ARL17B: variants seen among roughly 807,000 people sequenced by gnomAD.
ARL17B encodes ADP-ribosylation factor-like protein 17.
chr17:46,281,378 A>G (rs1386648905), intron 4 of ARL17B, among the ~76,000 whole-genome samples: 4 of 151,102 alleles, frequency 2.6e-5, no homozygotes, highest in Non-Finnish European at 5.9e-5. Flanking sequence ...AGCTCAGAAA[A>G]TTTTTCTTTT....
At chr17:46,283,200 A>G (rs1190503012) in intron 4 of ARL17B, among the ~76,000 whole-genome samples, 1 of 152,242 alleles carries the variant, frequency 6.6e-6, no homozygotes, top group Non-Finnish European at 1.5e-5. Flanking sequence ...TGACCATACC[A>G]ATTTATACCC....
At chr17:46,289,871 G>A (rs1567857247) in intron 4 of ARL17B, among the ~76,000 whole-genome samples, 1 of 152,172 alleles carries the variant, frequency 6.6e-6, no homozygotes, top group Non-Finnish European at 1.5e-5. Flanking sequence ...TGTAATCCCA[G>A]CAGTTTGGGA....
intron 4 of ARL17B, among the ~76,000 whole-genome samples, chr17:46,285,711 C>A (rs1307356876): frequency 1.3e-5 from 2 of 152,202 alleles, no homozygotes; most frequent in Non-Finnish European, 2.9e-5. Context: ...TGGTAAAGCT[C>A]ATGACACTGG....
exon 5 of ARL17B, chr17:46,274,914 C>G (rs1165888637): frequency 2.0e-5 from 3 of 151,690 alleles, no homozygotes; most frequent in Non-Finnish European, 4.4e-5. Context: ...GTTTTTGAAA[C>G]GGAGTTTTGT....
At chr17:46,280,525 T>C (rs2049733749) in intron 4 of ARL17B, among the ~76,000 whole-genome samples, 1 of 151,636 alleles carries the variant, frequency 6.6e-6, no homozygotes, top group Non-Finnish European at 1.5e-5. Context: ...AAAATATATA[T>C]TATTAAAAAG....
chr17:46,340,939 C>T (rs1165623337), intron 3 of ARL17B, among the ~76,000 whole-genome samples: 3 of 77,820 alleles, frequency 3.9e-5, no homozygotes, highest in Non-Finnish European at 1.0e-4. Context: ...ACGGGCCTCA[C>T]TTTGTTGCCC....
chr17:46,291,969 C>CAA (rs59554870), intron 4 of ARL17B, among the ~76,000 whole-genome samples: 13 of 58,084 alleles, frequency 2.2e-4, no homozygotes, highest in African/African-American at 7.9e-4. Context: ...TCTCAAAAAG[C>CAA]AAAAAAAAAA....
At chr17:46,283,312 A>G (rs1192548099) in intron 4 of ARL17B, among the ~76,000 whole-genome samples, 1 of 152,232 alleles carries the variant, frequency 6.6e-6, no homozygotes, top group East Asian at 1.9e-4. Context: ...ATGTGTACCC[A>G]CAGGTTCCTT....
intron 4 of ARL17B, chr17:46,275,456 T>C (rs1206061939): frequency 4.8e-6 from 4 of 834,846 alleles, no homozygotes; most frequent in African/African-American, 1.9e-5. Flanking sequence ...TGAGCACCTT[T>C]CATTTTTGAA....
chr17:46,290,476 C>G, intron 4 of ARL17B, among the ~76,000 whole-genome samples: 1 of 152,230 alleles, frequency 6.6e-6, no homozygotes, highest in Non-Finnish European at 1.5e-5. Context: ...TTTTTTGTTT[C>G]GAGATGGAGT....
rs1365597793 is a variant in ARL17B, at chr17:46,350,950, C to T, written c.259+1870G>A. 2.1e-4 allele frequency among the ~76,000 whole-genome samples: 7 copies of T among 32,722 alleles called. 1 individual carries two copies. Among genetic ancestry groups the T allele is most frequent in the African/African-American group, 4.7e-4 (7 of 14,848 alleles). 21.5% of individuals were successfully genotyped at this position (32,722 alleles called of 152,430 possible). A position where few individuals can be genotyped will look rare whatever the true frequency, so the allele number is the denominator to read the frequency against. On this transcript the variant is annotated intron_variant, in intron 3 of 3. Coordinates refer to ENST00000450673, the MANE Select transcript of ARL17B (RefSeq NM_001039083.5). ...AAAATGCACTGTGCGAACTCTGATC[C>T]AGATGCAAACAAAGCAGATGTAGAA... is the stretch of plus-strand genomic sequence containing the variant.
rs190855134 is a variant in ARL17B, at chr17:46,279,803, C to T, written c.*22-4385G>A. Reference sequence around the variant, plus strand: ...AACCACCATTCCCAGCCAACAGGCCCTCCTACACAACTTTTTGTTTTTAGT... The same window carrying T: ...AACCACCATTCCCAGCCAACAGGCCTTCCTACACAACTTTTTGTTTTTAGT... On this transcript the variant is annotated intron_variant, in intron 4 of 4. Coordinates refer to the ARL17B transcript ENST00000570618. Among the ~76,000 whole-genome samples, 16 of 152,304 alleles carry T rather than the reference C, an allele frequency of 1.1e-4. No individual in the cohort carries two copies. In the East Asian group the frequency reaches 2.7e-3, roughly 26 times the overall value.
At chr17:46,290,364 G>A (rs1189702780) in intron 4 of ARL17B, among the ~76,000 whole-genome samples, 2 of 152,100 alleles carry the variant, frequency 1.3e-5, no homozygotes, top group Non-Finnish European at 2.9e-5. Context: ...GGCCTCAAGT[G>A]ATCCACCCAC....
intron 4 of ARL17B, among the ~76,000 whole-genome samples, chr17:46,285,500 C>A (rs1371838153): frequency 7.2e-6 from 1 of 138,172 alleles, no homozygotes; most frequent in Non-Finnish European, 1.7e-5. Context: ...TCAGCCCCCA[C>A]AAAGTGCTGG....
rs1294460442 is a variant in ARL17B at position 46,314,571 on chromosome 17, C to T, written c.260-14906G>A. 7.8e-5 allele frequency among the ~76,000 whole-genome samples: 6 copies of T among 77,262 alleles called. 3 individuals are homozygous for T. In the Admixed American group the frequency reaches 8.2e-4, roughly 11 times the overall value. The allele number at this position is 77,262 out of a possible 152,430, so 50.7% of individuals were successfully genotyped here. ...CTCCTAACCTCAGATGATCCACCTG[C>T]TTCAGCCTCCCAAAATGCTGGGATT... is the stretch of plus-strand genomic sequence containing the variant. On this transcript the variant is annotated intron_variant, in intron 3 of 4. Transcript: ENST00000434041.
chr17:46,334,033 CTCATG>C (rs2052168552), downstream of ARL17B, among the ~76,000 whole-genome samples: 1 of 10,906 alleles, frequency 9.2e-5, no homozygotes, highest in Admixed American at 6.6e-4. Context: ...AACGTGCTAT[CTCATG>C]TCATGTATTC....
chr17:46,277,231 C>G (rs2143303586), intron 4 of ARL17B, among the ~76,000 whole-genome samples: 3 of 152,316 alleles, frequency 2.0e-5, no homozygotes, highest in East Asian at 3.9e-4. Flanking sequence ...AGAAGACATC[C>G]TAAGTGGCCC....
rs1229013511 is a variant in ARL17B, at chr17:46,314,686, A to G, written c.260-15021T>C. Among the ~76,000 whole-genome samples, 2 of 76,014 alleles carry G rather than the reference A, an allele frequency of 2.6e-5. 1 individual carries two copies. The highest frequency in any genetic ancestry group is 5.2e-4 in the East Asian group (2 of 3,832). 49.9% of individuals were successfully genotyped at this position (76,014 alleles called of 152,430 possible). On this transcript the variant is annotated intron_variant, in intron 3 of 4. Transcript: ENST00000434041. ...GTAGTGAAACCATAGATCAGTTTGGAGAATCATGCTATTATTATCTGCTTC... is the reference window on the plus strand; with the variant it reads ...GTAGTGAAACCATAGATCAGTTTGGGGAATCATGCTATTATTATCTGCTTC...
At chr17:46,340,548 G>T (rs1335295687) in intron 3 of ARL17B, among the ~76,000 whole-genome samples, 1 of 64,462 alleles carries the variant, frequency 1.6e-5, no homozygotes, top group Non-Finnish European at 3.8e-5. Context: ...TTTGTGTTTT[G>T]TTTGTTTGTT....
Sources: gnomAD v4.1 joint callset for allele counts (sites outside exome capture counted in the v4.1 genomes callset) on GRCh38, gnomAD v4.1.1 for gene constraint, MANE v1.5 for transcripts, NCBI Gene and HGNC (gene_info 2026-07-23, HGNC 2026-07-21) for gene names.